The following FRZB variants were observed in gnomAD, a reference collection of about 807,000 sequenced individuals.
FRZB encodes the protein secreted frizzled-related protein 3.
Under a neutral mutation model 32.5 loss-of-function variants are expected in FRZB, and 34 were observed. That is an observed-to-expected ratio of 1.05 (90% CI 0.80 to 1.39). The LOEUF (loss-of-function observed/expected upper bound fraction) is 1.39, where lower values mean the gene tolerates loss of function less well. Among genes scored for constraint, FRZB ranks in the 40% most tolerant of loss-of-function variants. FRZB has a pLI of 0.00. For missense variants in FRZB, 423 were observed against 424.8 expected (o/e 1.00, Z 0.04); for synonymous variants, 170 against 159.2 (o/e 1.07, Z -0.51).
intron 5 of FRZB, among the ~76,000 whole-genome samples, chr2:182,836,130 C>T (rs1036992213): frequency 6.6e-6 from 1 of 151,860 alleles, no homozygotes; most frequent in Non-Finnish European, 1.5e-5. Flanking sequence ...TCTCAACTTC[C>T]CAAGGAAGTC....
intron 1 of FRZB, among the ~76,000 whole-genome samples, chr2:182,865,688 A>C (rs981212700): frequency 6.6e-6 from 1 of 152,234 alleles, no homozygotes; most frequent in African/African-American, 2.4e-5. Flanking sequence ...TCAGCAAAGA[A>C]AACCCAATGA....
At chr2:182,859,281 A>G (rs1320146352) in intron 1 of FRZB, among the ~76,000 whole-genome samples, 2 of 152,146 alleles carry the variant, frequency 1.3e-5, no homozygotes, top group Admixed American at 6.5e-5. Flanking sequence ...ACACTCAGAA[A>G]TCATTCTCAT....
chr2:182,861,673 T>A (rs1252389846), intron 1 of FRZB, among the ~76,000 whole-genome samples: 1 of 152,226 alleles, frequency 6.6e-6, no homozygotes, highest in Admixed American at 6.5e-5. Context: ...ATTGAGGAGA[T>A]GTAGCCAATT....
At chr2:182,861,998 T>G (rs1416435387) in intron 1 of FRZB, among the ~76,000 whole-genome samples, 1 of 152,208 alleles carries the variant, frequency 6.6e-6, no homozygotes, top group Non-Finnish European at 1.5e-5. Flanking sequence ...AGAAGCATGT[T>G]TTCCCTTTAA....
At chr2:182,835,563 T>A (rs968508705) in intron 5 of FRZB, among the ~76,000 whole-genome samples, 1 of 145,340 alleles carries the variant, frequency 6.9e-6, no homozygotes, top group Admixed American at 6.9e-5. Context: ...ATGTTTTTAA[T>A]AAACACAATC....
rs1013614207 is a variant in FRZB, at chr2:182,846,244, T to G, written c.527-3701A>C. Among the ~76,000 whole-genome samples the G allele has an allele frequency of 2.6e-5, 4 of 152,218 alleles. No individual in the cohort carries two copies. In the East Asian group the frequency reaches 7.7e-4, roughly 29 times the overall value. On this transcript the variant is annotated intron_variant, in intron 2 of 5. Coordinates refer to ENST00000295113, the MANE Select transcript of FRZB (RefSeq NM_001463.4). Reference sequence around the variant, plus strand: ...GGACTGTCACTATTTAATGCAACATTGTTTGAGTTCAAGCTTAAGTGTGAT... The same window carrying G: ...GGACTGTCACTATTTAATGCAACATGGTTTGAGTTCAAGCTTAAGTGTGAT...
At chr2:182,850,455 C>A (rs1223950578) in intron 2 of FRZB, among the ~76,000 whole-genome samples, 3 of 152,118 alleles carry the variant, frequency 2.0e-5, no homozygotes, top group Non-Finnish European at 4.4e-5. Context: ...GTTTTTAGCT[C>A]CCATATATGA....
chr2:182,835,874 T>C (rs1695519642), intron 5 of FRZB, among the ~76,000 whole-genome samples: 1 of 152,124 alleles, frequency 6.6e-6, no homozygotes, highest in South Asian at 2.1e-4. Context: ...TGGCCCAAGT[T>C]CAAATTCTAA....
Position 182,866,504 on chromosome 2 carries a change from G to C in FRZB, c.49C>G (p.Leu17Val). ...AGCAGGCAGAGAGCAGCCAGGGCAAGCAGCCCGGCCCGCAGCAGCAGCATC... is the reference window on the plus strand; with the variant it reads ...AGCAGGCAGAGAGCAGCCAGGGCAACCAGCCCGGCCCGCAGCAGCAGCATC... The part of the protein sequence containing the change: ...GGMLLLRAGL[L>V]ALAALCLLRV... Residue 17 changes from leucine (L) to valine (V), a missense_variant, in exon 1 of 6, where the codon CTT (leucine) becomes GTT (valine). Coordinates refer to ENST00000295113, the MANE Select transcript of FRZB (RefSeq NM_001463.4). The surrounding 1 kb of genome is among the most constrained non-coding windows in gnomAD (Gnocchi z 4.5). 2 of 1,515,548 alleles carry C rather than the reference G, an allele frequency of 1.3e-6. No individual in the cohort carries two copies. Among genetic ancestry groups the C allele is most frequent in the Non-Finnish European group, 1.8e-6 (2 of 1,132,314 alleles). The allele number at this position is 1,515,548 out of a possible 1,614,324, so 93.9% of individuals were successfully genotyped here.
intron 1 of FRZB, among the ~76,000 whole-genome samples, chr2:182,862,032 T>C (rs1695838784): frequency 6.6e-6 from 1 of 152,226 alleles, no homozygotes; most frequent in African/African-American, 2.4e-5. Context: ...TTTCCATTTC[T>C]CCTTTCCATT....
chr2:182,851,233 A>C (rs1695706590), intron 2 of FRZB, among the ~76,000 whole-genome samples: 2 of 152,254 alleles, frequency 1.3e-5, no homozygotes, highest in African/African-American at 4.8e-5. Flanking sequence ...AGGACAAATC[A>C]TTACATTTCT....
chr2:182,856,977 A>G (rs985477339), intron 2 of FRZB, among the ~76,000 whole-genome samples: 1 of 152,198 alleles, frequency 6.6e-6, no homozygotes, highest in South Asian at 2.1e-4. Flanking sequence ...TTGACATTTA[A>G]AGGACATTCC....
At chr2:182,836,812 G>GC (rs1695530543) in intron 5 of FRZB, among the ~76,000 whole-genome samples, 2 of 152,022 alleles carry the variant, frequency 1.3e-5, no homozygotes, top group South Asian at 4.1e-4. Flanking sequence ...CAGAGAGAAT[G>GC]CCCGCAAGTC....
intron 2 of FRZB, among the ~76,000 whole-genome samples, chr2:182,857,402 C>T (rs540903808): frequency 6.6e-6 from 1 of 151,942 alleles, no homozygotes; most frequent in East Asian, 1.9e-4. Flanking sequence ...GGGTGGATCA[C>T]CTGAGATCAA....
Position 182,866,361 on chromosome 2 carries a change from G to T in FRZB, c.192C>A (p.Asn64Lys). ...PNHLHHSTQA[N>K]AILAIEQFEG... ...CGAACTGCTCGATGGCCAGGATGGC[G>T]TTGGCCTGAGTGCTGTGGTGCAGGT... Residue 64 changes from asparagine (N) to lysine (K), a missense_variant, in exon 1 of 6, where the codon AAC becomes AAA. By Grantham distance (94) the Asn-to-Lys change is moderately conservative. Coordinates refer to ENST00000295113, the MANE Select transcript of FRZB (RefSeq NM_001463.4). The surrounding 1 kb of genome is among the most constrained non-coding windows in gnomAD (Gnocchi z 4.5). The T allele has an allele frequency of 1.2e-6, 2 of 1,614,002 alleles. No homozygotes were observed. The highest frequency in any genetic ancestry group is 1.7e-6 in the Non-Finnish European group (2 of 1,179,846).
Position 182,834,861 on chromosome 2 carries a change from T to C in FRZB, c.966A>G (p.Gln322=). ...TGTATTTCGGGATTTAGTTGCGTGC[T>C]TGCCGGGGGTTCGAGTTCCTGCCAG... The part of the protein sequence containing the change: ...QKSGRNSNPR[Q]ARN The change falls in exon 6 of 6, where the codon CAA becomes CAG. Residue 322 remains glutamine (Q), a synonymous_variant. Transcript: ENST00000295113. 2 of 1,613,038 alleles carry C rather than the reference T, an allele frequency of 1.2e-6. No individual in the cohort carries two copies. The highest frequency in any genetic ancestry group is 1.7e-6 in the Non-Finnish European group (2 of 1,179,176).
Position 182,838,563 on chromosome 2 carries a change from C to A in FRZB, c.643G>T (p.Ala215Ser), listed in dbSNP as rs773163819. The A allele has an allele frequency of 1.9e-6, 3 of 1,612,930 alleles. No homozygotes were observed. Among genetic ancestry groups the A allele is most frequent in the East Asian group, 4.5e-5 (2 of 44,856 alleles). ...EIKTKCHDVT[A>S]VVEVKEILKS... Reference sequence around the variant, plus strand: ...AGAATCTCCTTCACCTCCACTACTGCAGTCACATCATGGCACTTAGTCTTT... The same window carrying A: ...AGAATCTCCTTCACCTCCACTACTGAAGTCACATCATGGCACTTAGTCTTT... The change falls in exon 4 of 6, where the codon GCA becomes TCA. Residue 215 changes from alanine to serine, a missense_variant. Ala to Ser is a moderately conservative substitution (Grantham distance 99). Transcript: ENST00000295113.
chr2:182,858,352 G>A (rs1156534209), intron 2 of FRZB, among the ~76,000 whole-genome samples: 3 of 152,126 alleles, frequency 2.0e-5, no homozygotes, highest in African/African-American at 7.2e-5. Flanking sequence ...TGCAGCAATT[G>A]GTTAAGTCTC....
At chr2:182,864,460 A>G (rs1024347028) in intron 1 of FRZB, among the ~76,000 whole-genome samples, 4 of 152,250 alleles carry the variant, frequency 2.6e-5, no homozygotes, top group Non-Finnish European at 4.4e-5. Context: ...TTTAGTGAGT[A>G]CGAAGCCTCA....
Sources: gnomAD v4.1 joint callset for allele counts (sites outside exome capture counted in the v4.1 genomes callset) on GRCh38, gnomAD v4.1.1 for gene constraint, Gnocchi (gnomAD v3.1) non-coding constraint, MANE v1.5 for transcripts, NCBI Gene and HGNC (gene_info 2026-07-23, HGNC 2026-07-21) for gene names.